Variants in NEMP2 observed in about 807,000 individuals in gnomAD.
NEMP2 encodes UPF0571 transmembrane protein.
Under a neutral mutation model 54.2 loss-of-function variants are expected in NEMP2, and 53 were observed. That is an observed-to-expected ratio of 0.98 (90% CI 0.78 to 1.23). NEMP2 has a LOEUF of 1.23. Among genes scored for constraint, NEMP2 ranks in the 50% most tolerant of loss-of-function variants. The probability of loss-of-function intolerance (pLI) is 0.00; values close to 1 mark genes in which losing one functional copy is unlikely to be tolerated. For synonymous variants in NEMP2, 197 were observed against 190.3 expected (o/e 1.04, Z -0.29); for missense variants, 455 against 511.3 (o/e 0.89, Z 1.06).
the NEMP2 span, among the ~76,000 whole-genome samples, chr2:190,580,507 A>G: frequency 6.6e-6 from 1 of 152,184 alleles, no homozygotes; most frequent in African/African-American, 2.4e-5. The surrounding 1 kb of genome is among the most constrained non-coding windows in gnomAD (Gnocchi z 5.3). Context: ...TTCTTAAAAC[A>G]TGACTTTTCC....
chr2:190,534,228 C>G (rs1191402857), intron 1 of NEMP2: 1 of 1,087,606 alleles, frequency 9.2e-7, no homozygotes, highest in East Asian at 5.6e-5. Context: ...GTCAGCTGTG[C>G]CAGTGACAAG....
the NEMP2 span, among the ~76,000 whole-genome samples, chr2:190,432,789 T>C: frequency 1.3e-5 from 2 of 152,198 alleles, no homozygotes; most frequent in East Asian, 1.9e-4. Flanking sequence ...CAGTCAGCTC[T>C]ATTTGAGCAC....
the NEMP2 span, chr2:190,610,811 G>A: frequency 6.6e-6 from 1 of 152,280 alleles, no homozygotes; most frequent in Non-Finnish European, 1.5e-5. This position sits in a 1 kb window ranked among gnomAD's most constrained non-coding sequence, Gnocchi z 5.4. Flanking sequence ...CCTTGACTCT[G>A]AAAAGCAAAA....
At position 190,528,480 on chromosome 2, in the gene NEMP2, T is replaced by G. The variant is rs1393597261; in HGVS notation, c.98-3102A>C. On this transcript the variant is annotated intron_variant, in intron 1 of 8. Coordinates refer to ENST00000409150, the MANE Select transcript of NEMP2 (RefSeq NM_001142645.2). This position sits in a 1 kb window ranked among gnomAD's most constrained non-coding sequence, Gnocchi z 4.3. ...TTCCTACCTATCGTTGGAAAGGGAG[T>G]GCATTCCAGCAGGGCAGGTGAAGAG... Among the ~76,000 whole-genome samples, 2 of 151,948 alleles carry G rather than the reference T, an allele frequency of 1.3e-5. No homozygotes were observed. The highest frequency in any genetic ancestry group is 2.9e-5 in the Non-Finnish European group (2 of 67,982).
Position 190,521,892 on chromosome 2 carries a change from T to C in NEMP2, c.214-2709A>G, listed in dbSNP as rs1490632315. ...TCCTTCCTTCTCCCTGAACTCTTAA[T>C]ATAAGACTGACCCAGGCTTAGCCAT... On this transcript the variant is annotated intron_variant, in intron 2 of 8. Transcript: ENST00000409150. The surrounding 1 kb of genome is among the most constrained non-coding windows in gnomAD (Gnocchi z 6.2). Among the ~76,000 whole-genome samples the C allele has an allele frequency of 6.6e-6, 1 of 152,158 alleles. No individual in the cohort carries two copies. The highest frequency in any genetic ancestry group is 2.4e-5 in the African/African-American group (1 of 41,444).
intron 1 of NEMP2, among the ~76,000 whole-genome samples, chr2:190,532,810 C>T (rs1042158592): frequency 6.6e-6 from 1 of 152,162 alleles, no homozygotes; most frequent in Non-Finnish European, 1.5e-5. Context: ...CCAGGGCTGC[C>T]AACAGTGTCA....
In NEMP2 at chr2:190,516,260, A is replaced by T; in HGVS notation, c.727+10T>A. On this transcript the variant is annotated intron_variant, in intron 6 of 8. Transcript: ENST00000409150. Reference sequence around the variant, plus strand: ...CAATCACAGAGCATATTGTTTTTCTATTTACCTACCTAATACATATATCCT... The same window carrying T: ...CAATCACAGAGCATATTGTTTTTCTTTTTACCTACCTAATACATATATCCT... 2 of 1,532,286 alleles carry T rather than the reference A, an allele frequency of 1.3e-6. No homozygotes were observed. The highest frequency in any genetic ancestry group is 2.4e-5 in the South Asian group (2 of 82,372). The allele number at this position is 1,532,286 out of a possible 1,614,324, so 94.9% of individuals were successfully genotyped here. A position where few individuals can be genotyped will look rare whatever the true frequency, so the allele number is the denominator to read the frequency against.
the NEMP2 span, among the ~76,000 whole-genome samples, chr2:190,637,598 C>G: frequency 1.2e-4 from 18 of 152,304 alleles, no homozygotes; most frequent in African/African-American, 9.6e-5. The surrounding 1 kb of genome is among the most constrained non-coding windows in gnomAD (Gnocchi z 4.5). Flanking sequence ...TCTGTACTTG[C>G]TGGGGAGTGC....
chr2:190,467,042 A>G, the NEMP2 span, among the ~76,000 whole-genome samples: 7 of 152,336 alleles, frequency 4.6e-5, no homozygotes, highest in African/African-American at 1.7e-4. The surrounding 1 kb of genome is among the most constrained non-coding windows in gnomAD (Gnocchi z 5.5). Context: ...GGCAACCCTG[A>G]TTCAGAGGTG....
chr2:190,637,628 T>TA, the NEMP2 span, among the ~76,000 whole-genome samples: 55 of 152,300 alleles, frequency 3.6e-4, no homozygotes, highest in Non-Finnish European at 6.5e-4. This position sits in a 1 kb window ranked among gnomAD's most constrained non-coding sequence, Gnocchi z 4.5. Context: ...CTGAGTCTAT[T>TA]AATTTCATCC....
At position 190,529,908 on chromosome 2, in the gene NEMP2, T is replaced by C. The variant is rs1691081185; in HGVS notation, c.98-4530A>G. On this transcript the variant is annotated intron_variant, in intron 1 of 8. Transcript: ENST00000409150. This position sits in a 1 kb window ranked among gnomAD's most constrained non-coding sequence, Gnocchi z 4.7. ...GAGGGCCAGTCTGGAAGCCACAGGC[T>C]GCACTTCCCCCTTGCCCTACCCCAT... Among the ~76,000 whole-genome samples the C allele has an allele frequency of 6.6e-6, 1 of 152,216 alleles. No homozygotes were observed. The highest frequency in any genetic ancestry group is 1.5e-5 in the Non-Finnish European group (1 of 68,026).
chr2:190,458,439 A>G, the NEMP2 span, among the ~76,000 whole-genome samples: 1 of 148,574 alleles, frequency 6.7e-6, no homozygotes, highest in Non-Finnish European at 1.5e-5. This position sits in a 1 kb window ranked among gnomAD's most constrained non-coding sequence, Gnocchi z 5.3. Context: ...GGAGAAACCA[A>G]CATTGCCAAC....
chr2:190,534,651 C>A lies in NEMP2; in HGVS notation c.5G>T (p.Gly2Val), dbSNP rs1368797351. ...CAGCCACCACCGCCCTTGGCGCGGC[C>A]CCATTTCGTTAGGGGTCAGCTCCGT... is the stretch of plus-strand genomic sequence containing the variant. M[G>V]PRQGRWWLLL... Residue 2 changes from glycine to valine, a missense_variant, in exon 1 of 9, where the codon GGG becomes GTG. This residue lies in a region of NEMP2 where 100 missense variants were observed against 80.2 expected (regional missense o/e 1.25). Transcript: ENST00000409150. 1.5e-6 allele frequency: 2 copies of A among 1,325,518 alleles called. No homozygotes were observed. The highest frequency in any genetic ancestry group is 1.9e-6 in the Non-Finnish European group (2 of 1,041,618). The allele number at this position is 1,325,518 out of a possible 1,614,324, so 82.1% of individuals were successfully genotyped here.
At position 190,510,622 on chromosome 2, in the gene NEMP2, C is replaced by T; in HGVS notation, c.954-85G>A. 7.0e-7 allele frequency: 1 copy of T among 1,429,196 alleles called. No homozygotes were observed. Among genetic ancestry groups the T allele is most frequent in the Admixed American group, 2.0e-5 (1 of 49,662 alleles). The allele number at this position is 1,429,196 out of a possible 1,614,324, so 88.5% of individuals were successfully genotyped here. A position where few individuals can be genotyped will look rare whatever the true frequency, so the allele number is the denominator to read the frequency against. On this transcript the variant is annotated intron_variant, in intron 7 of 8. Transcript: ENST00000409150. The surrounding 1 kb of genome is among the most constrained non-coding windows in gnomAD (Gnocchi z 5.7). ...AATAGGCCAGGCTCGGTGGCTCACG[C>T]CTGTAATCCAGCATTTTGGGAGGCC...
At chr2:190,618,353 T>G in the NEMP2 span, among the ~76,000 whole-genome samples, 6 of 152,208 alleles carry the variant, frequency 3.9e-5, no homozygotes, top group African/African-American at 1.2e-4. Flanking sequence ...AAGGTCAGCA[T>G]GGAGCACTAC....
Position 190,528,959 on chromosome 2 carries a change from C to T in NEMP2, c.98-3581G>A, listed in dbSNP as rs1224864369. Among the ~76,000 whole-genome samples, 1 of 152,224 alleles carries T rather than the reference C, an allele frequency of 6.6e-6. No individual in the cohort carries two copies. Among genetic ancestry groups the T allele is most frequent in the East Asian group, 1.9e-4 (1 of 5,202 alleles). ...GATGATGTAATAGCCTTCTATCTGG[C>T]TGGTCTCCCTGCTTCCAGAATTGCT... On this transcript the variant is annotated intron_variant, in intron 1 of 8. Coordinates refer to ENST00000409150, the MANE Select transcript of NEMP2 (RefSeq NM_001142645.2). The surrounding 1 kb of genome is among the most constrained non-coding windows in gnomAD (Gnocchi z 4.3).
chr2:190,572,836 TATATATATA>T, the NEMP2 span, among the ~76,000 whole-genome samples: 2,710 of 93,896 alleles, frequency 0.029, 194 homozygotes, highest in Non-Finnish European at 0.039. Flanking sequence ...TTCATGAGTA[TATATATATA>T]TATATATATA....
In NEMP2 at chr2:190,508,528, A is replaced by G. The variant is rs1690248906; in HGVS notation, c.*661T>C. ...GCATTTTCCAAACGTGTTCCAAGGA[A>G]TATTAATCTCATGAAAAAGAGTTCT... On this transcript the variant is annotated 3_prime_UTR_variant, in exon 9 of 9. Transcript: ENST00000409150. The surrounding 1 kb of genome is among the most constrained non-coding windows in gnomAD (Gnocchi z 4.3). 1 of 152,218 alleles carries G rather than the reference A, an allele frequency of 6.6e-6. No individual in the cohort carries two copies. The highest frequency in any genetic ancestry group is 1.5e-5 in the Non-Finnish European group (1 of 68,056). 9.4% of individuals were successfully genotyped at this position (152,218 alleles called of 1,614,324 possible).
chr2:190,578,415 G>A, the NEMP2 span, among the ~76,000 whole-genome samples: 1 of 152,138 alleles, frequency 6.6e-6, no homozygotes, highest in African/African-American at 2.4e-5. The surrounding 1 kb of genome is among the most constrained non-coding windows in gnomAD (Gnocchi z 4.4). Flanking sequence ...GCTTGTGACA[G>A]CTCCAGATTA....
Sources: gnomAD v4.1 joint callset for allele counts (sites outside exome capture counted in the v4.1 genomes callset) on GRCh38, gnomAD v4.1.1 for gene constraint, gnomAD v4.1.1 regional missense constraint, Gnocchi (gnomAD v3.1) non-coding constraint, MANE v1.5 for transcripts, NCBI Gene and HGNC (gene_info 2026-07-23, HGNC 2026-07-21) for gene names.